CCAR1: variants seen among roughly 807,000 people sequenced by gnomAD.
CCAR1 encodes cell division cycle and apoptosis regulator 1.
CCAR1 carries 78 observed loss-of-function variants against 163.8 expected under a neutral mutation model. The ratio of observed to expected loss-of-function variants is 0.48; its 90% CI spans 0.40 to 0.57. CCAR1 has a LOEUF of 0.57. CCAR1 is among the 20% of genes least tolerant of loss of function. The probability of loss-of-function intolerance (pLI) is 0.00; values close to 1 mark genes in which losing one functional copy is unlikely to be tolerated. For missense variants in CCAR1, 1,019 were observed against 1,365.2 expected (o/e 0.75, Z 4.00); for synonymous variants, 443 against 460.7 (o/e 0.96, Z 0.49).
intron 5 of CCAR1, among the ~76,000 whole-genome samples, chr10:68,741,205 A>G (rs2133332540): frequency 6.6e-6 from 1 of 152,276 alleles, no homozygotes; most frequent in African/African-American, 2.4e-5. Flanking sequence ...GGTGCGAGCC[A>G]CCATGCCCGG....
intron 10 of CCAR1, among the ~76,000 whole-genome samples, chr10:68,752,492 C>T (rs2056344899): frequency 6.6e-6 from 1 of 152,078 alleles, no homozygotes; most frequent in Non-Finnish European, 1.5e-5. Context: ...TACATACTTG[C>T]TTTTTGTAAC....
Position 68,747,270 on chromosome 10 carries a change from A to C in CCAR1, c.628A>C (p.Asn210His). 6.3e-7 allele frequency: 1 copy of C among 1,599,016 alleles called. No individual in the cohort carries two copies. Among genetic ancestry groups the C allele is most frequent in the Non-Finnish European group, 8.5e-7 (1 of 1,169,592 alleles). ...WNAQRIQTLP[N>H]QNQSQTQPLL... The stretch of plus-strand genomic sequence containing the variant: ...TGCACAGAGAATTCAAACACTACCA[A>C]ATCAGGTACAGAAAGTATTGAGTTA... The change falls in exon 7 of 25, where the codon AAT (asparagine) becomes CAT (histidine). Residue 210 changes from asparagine (N) to histidine (H), a missense_variant. By Grantham distance (68) the Asn-to-His change is moderately conservative (BLOSUM62 1). Around this residue, in one of 4 missense-constraint regions of CCAR1, gnomAD observed 644 missense variants for 904.4 expected, o/e 0.71. Coordinates refer to ENST00000265872, the MANE Select transcript of CCAR1 (RefSeq NM_018237.4).
chr10:68,771,865 A>C (rs1274599795), intron 18 of CCAR1, among the ~76,000 whole-genome samples: 2 of 150,868 alleles, frequency 1.3e-5, no homozygotes, highest in Admixed American at 6.7e-5. Flanking sequence ...TTATTCTTAA[A>C]ATTTTTTTTT....
intron 2 of CCAR1, among the ~76,000 whole-genome samples, chr10:68,731,949 G>A (rs2056045405): frequency 6.6e-6 from 1 of 152,102 alleles, no homozygotes; most frequent in Admixed American, 6.6e-5. Flanking sequence ...AGAGAAGTGT[G>A]GGTATTGGAT....
At chr10:68,737,718 A>G (rs544858791) in intron 3 of CCAR1, 127 bp from the exon 4 acceptor site, 5 of 451,546 alleles carry the variant, frequency 1.1e-5, no homozygotes, top group Admixed American at 4.2e-5. Flanking sequence ...CTTTGAATCA[A>G]TGCCACACCA....
At chr10:68,768,812 A>C (rs1056252509) in intron 17 of CCAR1, among the ~76,000 whole-genome samples, 2 of 152,196 alleles carry the variant, frequency 1.3e-5, no homozygotes, top group Non-Finnish European at 2.9e-5. Context: ...TCTCAATTTG[A>C]AATAAAAAAG....
At chr10:68,730,493 A>G (rs1362934049) in intron 2 of CCAR1, among the ~76,000 whole-genome samples, 1 of 151,760 alleles carries the variant, frequency 6.6e-6, no homozygotes, top group Non-Finnish European at 1.5e-5. Flanking sequence ...GCGTGCCACC[A>G]TGCCCCACTA....
intron 5 of CCAR1, 40 bp downstream of exon 5, chr10:68,740,701 G>C (rs931011328): frequency 2.7e-6 from 4 of 1,507,898 alleles, no homozygotes; most frequent in African/African-American, 1.4e-5. Flanking sequence ...ATGTCTGAAT[G>C]AACAGTAGAC....
Position 68,755,415 on chromosome 10 carries a change from G to A in CCAR1, c.1504G>A (p.Gly502Ser). 5 of 1,614,074 alleles carry A rather than the reference G, an allele frequency of 3.1e-6. No homozygotes were observed. The highest frequency in any genetic ancestry group is 4.2e-6 in the Non-Finnish European group (5 of 1,179,966). The change falls in exon 13 of 25, where the codon GGC becomes AGC. Residue 502 changes from glycine (G) to serine (S), a missense_variant. Physicochemically the swap from Gly to Ser is moderately conservative, Grantham distance 56 (BLOSUM62 0). Coordinates refer to ENST00000265872, the MANE Select transcript of CCAR1 (RefSeq NM_018237.4). ...KGKDEAMAIG[G>S]HWSPSLDGPD... ...CAAGGATGAAGCTATGGCCATTGGAGGCCACTGGTCTCCTTCGTTGGATGG... is the reference window on the plus strand; with the variant it reads ...CAAGGATGAAGCTATGGCCATTGGAAGCCACTGGTCTCCTTCGTTGGATGG...
In CCAR1 at chr10:68,756,653, A is replaced by C. The variant is rs970166579; in HGVS notation, c.1836+170A>C. 7.1e-6 allele frequency: 5 copies of C among 704,440 alleles called. No homozygotes were observed. The African/African-American group carries it at 8.7e-5, about 12-fold the overall frequency. The allele number at this position is 704,440 out of a possible 1,614,324, so 43.6% of individuals were successfully genotyped here. ...TAGTTGTATGTTCTTTTCTCTTAAA[A>C]TTTCTGTCTTATTATCCTAACTTTA... On this transcript the variant is annotated intron_variant, in intron 14 of 24. Transcript: ENST00000265872. The surrounding 1 kb of genome is among the most constrained non-coding windows in gnomAD (Gnocchi z 5.1).
At position 68,786,165 on chromosome 10, in the gene CCAR1, G is replaced by A; in HGVS notation, c.2680G>A (p.Asp894Asn). 1 of 1,612,686 alleles carries A rather than the reference G, an allele frequency of 6.2e-7. No homozygotes were observed. The highest frequency in any genetic ancestry group is 8.5e-7 in the Non-Finnish European group (1 of 1,179,058). ...GGATGAGGAAGAAATGACCAAACGA[G>A]ATGACAAAAGAGATATCAACAGATA... Reference protein sequence around the residue: ...DRDEEEMTKRDDKRDINRYCK... With the variant: ...DRDEEEMTKRNDKRDINRYCK... The change falls in exon 20 of 25, where the codon GAT becomes AAT. Residue 894 changes from aspartate to asparagine, a missense_variant. Physicochemically the swap from Asp to Asn is conservative, Grantham distance 23. This residue lies in a region of CCAR1 where 358 missense variants were observed against 406.4 expected (regional missense o/e 0.88). Transcript: ENST00000265872.
intron 17 of CCAR1, among the ~76,000 whole-genome samples, chr10:68,769,102 G>A (rs912645258): frequency 6.6e-6 from 1 of 152,120 alleles, no homozygotes; most frequent in Non-Finnish European, 1.5e-5. Flanking sequence ...GACGTCCCGA[G>A]TAGCCCTGGG....
At chr10:68,737,690 TA>T (rs2056129832) in intron 3 of CCAR1, among the ~76,000 whole-genome samples, 154 bp from the exon 4 acceptor site, 1 of 151,942 alleles carries the variant, frequency 6.6e-6, no homozygotes, top group Non-Finnish European at 1.5e-5. Context: ...TTATTATTTT[TA>T]TTTTTTTTGT....
At chr10:68,742,992 G>A (rs2056202354) in intron 6 of CCAR1, among the ~76,000 whole-genome samples, 1 of 150,830 alleles carries the variant, frequency 6.6e-6, no homozygotes, top group Non-Finnish European at 1.5e-5. Flanking sequence ...GAGTGCAGTG[G>A]CGTGATCTTG....
At chr10:68,758,656 T>C (rs2056429396) in intron 15 of CCAR1, among the ~76,000 whole-genome samples, 1 of 112,044 alleles carries the variant, frequency 8.9e-6, no homozygotes, top group Non-Finnish European at 1.9e-5. Flanking sequence ...TGTATATATA[T>C]ATATATGTAT....
chr10:68,766,855 A>C (rs574730125), intron 17 of CCAR1, among the ~76,000 whole-genome samples: 13 of 151,616 alleles, frequency 8.6e-5, no homozygotes, highest in Middle Eastern at 3.4e-3. Context: ...TGTTTTTTTG[A>C]GTTTCTGTTG....
chr10:68,771,287 C>G lies in CCAR1; in HGVS notation c.2380C>G (p.Pro794Ala), dbSNP rs1230386962. ...VRIYKSLLSL[P>A]EKEDKKEKDK... is the part of the protein sequence containing the mutation. The stretch of plus-strand genomic sequence containing the variant: ...TATATACAAATCATTACTGTCTCTT[C>G]CTGAGAAAGAGGACAAAAAAGAAAA... Residue 794 changes from proline (P) to alanine (A), a missense_variant, in exon 18 of 25, where the codon CCT becomes GCT. Around this residue, in one of 4 missense-constraint regions of CCAR1, gnomAD observed 358 missense variants for 406.4 expected, o/e 0.88. Transcript: ENST00000265872. The G allele has an allele frequency of 6.2e-7, 1 of 1,605,822 alleles. No homozygotes were observed. Among genetic ancestry groups the G allele is most frequent in the Non-Finnish European group, 8.5e-7 (1 of 1,176,138 alleles).
rs780160343 is a variant in CCAR1 at position 68,786,118 on chromosome 10, GTTATA to G, written c.2651-15_2651-11del. ...GTGTATTAATGACTTTTTTGCCACT[GTTATA>G]TTTATTTTACAGATAGGGATGAGGA... On this transcript the variant is annotated splice_polypyrimidine_tract_variant and intron_variant, in intron 19 of 24. Coordinates refer to ENST00000265872, the MANE Select transcript of CCAR1 (RefSeq NM_018237.4). The G allele has an allele frequency of 2.5e-6, 4 of 1,574,048 alleles. No individual in the cohort carries two copies. In the African/African-American group the frequency reaches 5.4e-5, roughly 21 times the overall value.
At chr10:68,791,119 C>A in intron 24 of CCAR1, 88 bp from the exon 25 acceptor site, 4 of 664,566 alleles carry the variant, frequency 6.0e-6, no homozygotes, top group South Asian at 5.2e-5. Context: ...AAAAGTATAC[C>A]AAACTGAATA....
Sources: gnomAD v4.1 joint callset for allele counts (sites outside exome capture counted in the v4.1 genomes callset) on GRCh38, gnomAD v4.1.1 for gene constraint, gnomAD v4.1.1 regional missense constraint, Gnocchi (gnomAD v3.1) non-coding constraint, MANE v1.5 for transcripts, NCBI Gene and HGNC (gene_info 2026-07-23, HGNC 2026-07-21) for gene names.